Variants in MYH11 observed in about 807,000 individuals in gnomAD.
MYH11 encodes the protein myosin heavy chain 11.
MYH11 carries 80 observed loss-of-function variants against 246.6 expected under a neutral mutation model. The observed-to-expected ratio is 0.32, with a 90% CI of 0.27 to 0.39. The LOEUF is 0.39. Ranked by LOEUF, MYH11 falls within the 10% of genes least tolerant of loss-of-function variation. MYH11 has a pLI of 1.00. For synonymous variants in MYH11, 1,071 were observed against 1,015.5 expected (o/e 1.05, Z -1.04); for missense variants, 2,158 against 2,546.8 (o/e 0.85, Z 3.29).
chr16:15,720,164 A>G lies in MYH11; in HGVS notation c.4940T>C (p.Leu1647Pro). The change falls in exon 34 of 41, where the codon CTA (leucine) becomes CCA (proline). Residue 1647 changes from leucine to proline, a missense_variant. This residue lies in a region of MYH11 where 1,013 missense variants were observed against 993.5 expected (regional missense o/e 1.02). Transcript: ENST00000300036. ...AGTGTCACCCACCTGCAGTTTGCGT[A>G]GCTGCTTGATGGCTTCCTCCCTCCC... ...IKGREEAIKQ[L>P]RKLQAQMKDF... 1.1e-5 allele frequency: 17 copies of G among 1,614,036 alleles called. No individual in the cohort carries two copies. Among genetic ancestry groups the G allele is most frequent in the Non-Finnish European group, 1.4e-5 (17 of 1,179,994 alleles).
chr16:15,771,906 T>G (rs1482323575), intron 8 of MYH11, among the ~76,000 whole-genome samples, 194 bp from the exon 9 acceptor site: 1 of 151,966 alleles, frequency 6.6e-6, no homozygotes, highest in African/African-American at 2.4e-5. Context: ...CGGTGCAGGT[T>G]GTGCACTGCT....
chr16:15,830,520 G>A lies in MYH11; in HGVS notation c.346-7109C>T, dbSNP rs140457801. Among the ~76,000 whole-genome samples, 34 of 152,224 alleles carry A rather than the reference G, an allele frequency of 2.2e-4. 1 individual carries two copies. The highest frequency in any genetic ancestry group is 1.2e-3 in the East Asian group (6 of 5,186). ...GCAAAGATTGAGACGCACAACAGCC[G>A]GGGCCTGTGCTGCCATTTTGGAGGG... is the stretch of plus-strand genomic sequence containing the variant. On this transcript the variant is annotated intron_variant, in intron 2 of 40. Coordinates refer to ENST00000300036, the MANE Select transcript of MYH11 (RefSeq NM_002474.3).
At chr16:15,725,055 C>T in intron 28 of MYH11, 63 bp from the exon 29 acceptor site, 1 of 1,409,634 alleles carries the variant, frequency 7.1e-7, no homozygotes, top group Admixed American at 1.8e-5. Flanking sequence ...TGAAAGGAGC[C>T]CTTTTTACTC....
In MYH11 at chr16:15,721,557, C is replaced by T; in HGVS notation, c.4443G>A (p.Lys1481=). The T allele has an allele frequency of 6.2e-7, 1 of 1,614,200 alleles. No individual in the cohort carries two copies. The highest frequency in any genetic ancestry group is 8.5e-7 in the Non-Finnish European group (1 of 1,180,046). Residue 1481 remains lysine (K), a synonymous_variant, in exon 32 of 41, where the codon AAG becomes AAA. Coordinates refer to ENST00000300036, the MANE Select transcript of MYH11 (RefSeq NM_002474.3). The part of the protein sequence containing the change: ...RDRAEAEARE[K]ETKALSLARA... ...GAGCCAGGGACAGGGCCTTGGTTTCCTTCTCCCTGGCTTCTGCCTCAGCTC... is the reference window on the plus strand; with the variant it reads ...GAGCCAGGGACAGGGCCTTGGTTTCTTTCTCCCTGGCTTCTGCCTCAGCTC...
chr16:15,841,296 C>T (rs1389263164), intron 1 of MYH11, among the ~76,000 whole-genome samples: 1 of 152,148 alleles, frequency 6.6e-6, no homozygotes, highest in East Asian at 1.9e-4. Flanking sequence ...CACCATCACA[C>T]CCAGCTAATT....
At position 15,738,501 on chromosome 16, in the gene MYH11, A is replaced by AT. The variant is rs1318834615; in HGVS notation, c.3121+63_3121+64insA. ...GCACTGCAGCCTGGGCAACAGAGCA[A>AT]GACCTCATCTCTAAAAAAAATAATA... On this transcript the variant is annotated intron_variant, in intron 24 of 40. Coordinates refer to ENST00000300036, the MANE Select transcript of MYH11 (RefSeq NM_002474.3). 3 of 1,479,976 alleles carry AT rather than the reference A, an allele frequency of 2.0e-6. No homozygotes were observed. The African/African-American group carries it at 4.3e-5, about 21-fold the overall frequency. 91.7% of individuals were successfully genotyped at this position (1,479,976 alleles called of 1,614,324 possible). A position where few individuals can be genotyped will look rare whatever the true frequency, so the allele number is the denominator to read the frequency against.
At chr16:15,733,326 CG>C (rs1387446847) in intron 26 of MYH11, among the ~76,000 whole-genome samples, 1 of 152,132 alleles carries the variant, frequency 6.6e-6, no homozygotes, top group African/African-American at 2.4e-5. Context: ...CTCCACCTCC[CG>C]GGTTCAAGCG....
At chr16:15,801,701 A>G (rs145283277) in intron 3 of MYH11, among the ~76,000 whole-genome samples, 36 of 151,574 alleles carry the variant, frequency 2.4e-4, no homozygotes, top group Non-Finnish European at 4.4e-4. Context: ...TCACACTTGT[A>G]ATCCCAGCAC....
At chr16:15,732,512 C>G in intron 27 of MYH11, 52 bp downstream of exon 27, 1 of 1,612,882 alleles carries the variant, frequency 6.2e-7, no homozygotes, top group Non-Finnish European at 8.5e-7. Context: ...TTTGAGGCTG[C>G]TGATGTCACT....
Position 15,740,735 on chromosome 16 carries a change from C to T in MYH11, c.2860-547G>A, listed in dbSNP as rs61508761. On this transcript the variant is annotated intron_variant, in intron 22 of 40. Coordinates refer to ENST00000300036, the MANE Select transcript of MYH11 (RefSeq NM_002474.3). ...TTAAAATCTATCCACAAGTTCTTTG[C>T]GACTCCAAAAAGGTGGAGCCTAATT... 5.3e-4 allele frequency among the ~76,000 whole-genome samples: 81 copies of T among 152,216 alleles called. No homozygotes were observed. The East Asian group carries it at 0.013, about 25-fold the overall frequency.
rs748516947 is a variant in MYH11 at position 15,714,963 on chromosome 16, G to A, written c.5732C>T (p.Thr1911Met). 6.0e-5 allele frequency: 97 copies of A among 1,613,950 alleles called. 1 individual carries two copies. Among genetic ancestry groups the A allele is most frequent in the Admixed American group, 3.3e-4 (20 of 60,000 alleles). ...GCGGCCCATGGCCTCGTTGCTCTCCGTGGCCTCATCCAGCTCCCGCTGCAG... is the reference window on the plus strand; with the variant it reads ...GCGGCCCATGGCCTCGTTGCTCTCCATGGCCTCATCCAGCTCCCGCTGCAG... ...RKLQRELDEA[T>M]ESNEAMGREV... Residue 1911 changes from threonine (T) to methionine (M), a missense_variant, in exon 40 of 41, where the codon ACG becomes ATG. By Grantham distance (81) the Thr-to-Met change is moderately conservative. This residue lies in a region of MYH11 where 1,013 missense variants were observed against 993.5 expected (regional missense o/e 1.02). Coordinates refer to ENST00000300036, the MANE Select transcript of MYH11 (RefSeq NM_002474.3).
intron 3 of MYH11, among the ~76,000 whole-genome samples, chr16:15,806,279 C>CAAAAA (rs71134463): frequency 4.9e-5 from 3 of 61,128 alleles, no homozygotes; most frequent in Non-Finnish European, 6.6e-5. Flanking sequence ...CACTCTGTCT[C>CAAAAA]AAAAAAAAAA....
At chr16:15,718,652 A>T in intron 36 of MYH11, 1 of 658,950 alleles carries the variant, frequency 1.5e-6, no homozygotes, top group East Asian at 2.8e-5. Context: ...TGGGATTGGG[A>T]TGGGGACCAG....
intron 40 of MYH11, among the ~76,000 whole-genome samples, chr16:15,710,522 A>G (rs1430807217): frequency 2.0e-5 from 3 of 151,740 alleles, no homozygotes; most frequent in Non-Finnish European, 2.9e-5. Context: ...TCCGTCTAAA[A>G]ATAAATAATA....
At chr16:15,708,595 A>G (rs1160434274) in intron 40 of MYH11, among the ~76,000 whole-genome samples, 1 of 152,226 alleles carries the variant, frequency 6.6e-6, no homozygotes, top group African/African-American at 2.4e-5. Flanking sequence ...GGCAGGAAGG[A>G]CAGTGGGTCA....
intron 40 of MYH11, 151 bp from the exon 41 acceptor site, chr16:15,704,274 C>A: frequency 2.4e-6 from 2 of 840,846 alleles, no homozygotes; most frequent in Non-Finnish European, 3.7e-6. Flanking sequence ...AAATAAGATG[C>A]AGATATTCAA....
At chr16:15,713,314 G>A (rs1175572221) in intron 40 of MYH11, 1 of 152,106 alleles carries the variant, frequency 6.6e-6, no homozygotes, top group Non-Finnish European at 1.5e-5. Flanking sequence ...GGGAGCTTGT[G>A]CACGTTTCAT....
rs577419496 is a variant in MYH11, at chr16:15,761,361, C to T, written c.1130-703G>A. Among the ~76,000 whole-genome samples, 18 of 152,340 alleles carry T rather than the reference C, an allele frequency of 1.2e-4. No individual in the cohort carries two copies. In the East Asian group the frequency reaches 2.5e-3, roughly 21 times the overall value. On this transcript the variant is annotated intron_variant, in intron 10 of 40. Coordinates refer to ENST00000300036, the MANE Select transcript of MYH11 (RefSeq NM_002474.3). ...GTCCTGAACTCAGGCAATCCGCCCA[C>T]CTCGGCCTCCCTAAGTGCTGGGATT... is the stretch of plus-strand genomic sequence containing the variant.
At position 15,843,223 on chromosome 16, in the gene MYH11, T is replaced by A. The variant is rs183570496; in HGVS notation, c.-17-4954A>T. Among the ~76,000 whole-genome samples the A allele has an allele frequency of 3.0e-3, 454 of 151,620 alleles. 4 individuals carry two copies. The highest frequency in any genetic ancestry group is 0.01 in the African/African-American group (428 of 41,336). On this transcript the variant is annotated intron_variant, in intron 1 of 40. Coordinates refer to ENST00000300036, the MANE Select transcript of MYH11 (RefSeq NM_002474.3). ...TGTCTCTACTAAAAAATACAAAAAT[T>A]AGCTGGGCATAGTGGCATGTGCCTG...
Sources: gnomAD v4.1 joint callset for allele counts (sites outside exome capture counted in the v4.1 genomes callset) on GRCh38, gnomAD v4.1.1 for gene constraint, gnomAD v4.1.1 regional missense constraint, MANE v1.5 for transcripts, NCBI Gene and HGNC (gene_info 2026-07-23, HGNC 2026-07-21) for gene names.